The following RASSF9 variants were observed in gnomAD, a reference collection of about 807,000 sequenced individuals.
RASSF9 encodes the protein ras association domain-containing protein 9.
In RASSF9, 18 loss-of-function variants were observed where a neutral mutation model predicts 21.4. The observed-to-expected ratio is 0.84, with a 90% confidence interval of 0.58 to 1.25. RASSF9 has a LOEUF of 1.25. Ranked by LOEUF, RASSF9 falls within the 50% of genes most tolerant of loss-of-function variation. The pLI is 0.00. For missense variants in RASSF9, 480 were observed against 503.2 expected, an observed-to-expected ratio of 0.95 and a Z score of 0.44; for synonymous variants, 183 against 179.1, an observed-to-expected ratio of 1.02 and a Z score of -0.18.
At chr12:85,820,578 G>T (rs934462196) in intron 1 of RASSF9, among the ~76,000 whole-genome samples, 2 of 151,314 alleles carry the variant, frequency 1.3e-5, no homozygotes, top group Non-Finnish European at 3.0e-5. Flanking sequence ...CATATAAAAT[G>T]AAAAATGTCA....
rs1281969180 is a variant in RASSF9 at position 85,805,607 on chromosome 12, G to A, written c.403C>T (p.Gln135Ter). 4.3e-6 allele frequency: 7 copies of A among 1,613,764 alleles called. No homozygotes were observed. The highest frequency in any genetic ancestry group is 5.9e-6 in the Non-Finnish European group (7 of 1,179,886). Residue 135 changes from glutamine to a stop codon, truncating the protein, a stop_gained, in exon 2 of 2, where the codon CAA becomes TAA. Coordinates refer to ENST00000361228, the MANE Select transcript of RASSF9 (RefSeq NM_005447.4). LOFTEE classifies it high-confidence loss of function. ...LWRTAEAKLV[Q>*]NTEKLWELSP... ...AGCTCCCACAATTTTTCTGTGTTTT[G>A]CACTAATTTGGCTTCAGCTGTCCGC...
intron 1 of RASSF9, among the ~76,000 whole-genome samples, chr12:85,811,910 C>T (rs1475579761): frequency 1.3e-5 from 2 of 151,826 alleles, no homozygotes; most frequent in South Asian, 2.1e-4. Context: ...GATTAAAACT[C>T]ATCACAATCA....
intron 1 of RASSF9, among the ~76,000 whole-genome samples, chr12:85,818,379 A>G (rs1344985035): frequency 1.3e-5 from 2 of 152,334 alleles, no homozygotes; most frequent in East Asian, 3.9e-4. Context: ...ATGAATTATA[A>G]TTGAGTCAGA....
chr12:85,824,625 C>T (rs1880290361), intron 1 of RASSF9, among the ~76,000 whole-genome samples: 1 of 151,886 alleles, frequency 6.6e-6, no homozygotes, highest in Non-Finnish European at 1.5e-5. Flanking sequence ...TCTCTTTATC[C>T]CACTATCTCT....
chr12:85,820,852 A>G (rs904652954), intron 1 of RASSF9, among the ~76,000 whole-genome samples: 2 of 152,144 alleles, frequency 1.3e-5, no homozygotes, highest in Non-Finnish European at 2.9e-5. Flanking sequence ...CAGCCTTTAA[A>G]AGCTACATTG....
intron 1 of RASSF9, among the ~76,000 whole-genome samples, chr12:85,808,736 G>A (rs1359098222): frequency 6.6e-6 from 1 of 151,678 alleles, no homozygotes; most frequent in Admixed American, 6.6e-5. Flanking sequence ...ACTTCAACTA[G>A]GATATTTGAA....
chr12:85,815,605 T>A (rs1421582072), intron 1 of RASSF9, among the ~76,000 whole-genome samples: 1 of 152,094 alleles, frequency 6.6e-6, no homozygotes, highest in South Asian at 2.1e-4. Context: ...CAGCATCTGT[T>A]ATTTCTGGTT....
intron 1 of RASSF9, among the ~76,000 whole-genome samples, chr12:85,824,328 C>A (rs957209139): frequency 1.3e-5 from 2 of 152,156 alleles, no homozygotes; most frequent in African/African-American, 4.8e-5. Flanking sequence ...TCCTTTGCCT[C>A]TCTCCTCTTA....
At chr12:85,813,858 G>A (rs1880006087) in intron 1 of RASSF9, among the ~76,000 whole-genome samples, 1 of 151,876 alleles carries the variant, frequency 6.6e-6, no homozygotes, top group African/African-American at 2.4e-5. Context: ...AAATATTTAT[G>A]GAAAATATTG....
intron 1 of RASSF9, among the ~76,000 whole-genome samples, chr12:85,822,300 G>A (rs542924081): frequency 6.6e-6 from 1 of 152,214 alleles, no homozygotes; most frequent in African/African-American, 2.4e-5. Context: ...TAAACTTGAA[G>A]GACATAAGTC....
At chr12:85,815,718 C>T (rs34601750) in intron 1 of RASSF9, among the ~76,000 whole-genome samples, 53,802 of 150,866 alleles carry the variant, frequency 0.36, 10,058 homozygotes, top group African/African-American at 0.44. Context: ...ATTCATATGA[C>T]GCATTGGTCG....
intron 1 of RASSF9, among the ~76,000 whole-genome samples, chr12:85,822,748 G>A (rs1236432700): frequency 6.6e-6 from 1 of 151,974 alleles, no homozygotes; most frequent in African/African-American, 2.4e-5. Context: ...TTTATCTTCT[G>A]CCTTTTTCTC....
chr12:85,833,815 TTA>T (rs1880504932), intron 1 of RASSF9, among the ~76,000 whole-genome samples: 1 of 152,030 alleles, frequency 6.6e-6, no homozygotes, highest in African/African-American at 2.4e-5. Context: ...ACAATAAATT[TTA>T]TATGTCTGTA....
intron 1 of RASSF9, among the ~76,000 whole-genome samples, chr12:85,806,444 G>A (rs1361409133): frequency 1.3e-5 from 2 of 149,898 alleles, no homozygotes; most frequent in African/African-American, 4.9e-5. Flanking sequence ...AGGCCGAGGC[G>A]GGTGGATCAC....
chr12:85,815,246 C>T (rs1880036073), intron 1 of RASSF9, among the ~76,000 whole-genome samples: 1 of 152,054 alleles, frequency 6.6e-6, no homozygotes, highest in African/African-American at 2.4e-5. Flanking sequence ...AAGTCAGGGA[C>T]AGCCTTTGAA....
At position 85,805,487 on chromosome 12, in the gene RASSF9, T is replaced by C. The variant is rs1565751111; in HGVS notation, c.523A>G (p.Thr175Ala). ...ATATTATCTCGATCATGAGAAACTG[T>C]GTCCTGCTTAATTTTAGCCAGTTTC... ...FRKLAKIKQD[T>A]VSHDRDNMET... The change falls in exon 2 of 2, where the codon ACA becomes GCA. Residue 175 changes from threonine (T) to alanine (A), a missense_variant. By Grantham distance (58) the Thr-to-Ala change is moderately conservative (BLOSUM62 0). Coordinates refer to ENST00000361228, the MANE Select transcript of RASSF9 (RefSeq NM_005447.4). The C allele has an allele frequency of 6.2e-7, 1 of 1,614,000 alleles. No homozygotes were observed. The highest frequency in any genetic ancestry group is 2.2e-5 in the East Asian group (1 of 44,882).
intron 1 of RASSF9, among the ~76,000 whole-genome samples, chr12:85,826,445 A>ATTT (rs1491522992): frequency 7.5e-6 from 1 of 133,532 alleles, no homozygotes; most frequent in African/African-American, 2.9e-5. Flanking sequence ...ATTCCTTCCA[A>ATTT]TATTTTTTTT....
intron 1 of RASSF9, among the ~76,000 whole-genome samples, chr12:85,833,170 G>A (rs1880488023): frequency 6.6e-6 from 1 of 151,670 alleles, no homozygotes; most frequent in Admixed American, 6.6e-5. Flanking sequence ...CATCTCTTTA[G>A]GTTTTGAATT....
intron 1 of RASSF9, among the ~76,000 whole-genome samples, chr12:85,812,057 T>G (rs546540187): frequency 6.6e-6 from 1 of 151,922 alleles, no homozygotes; most frequent in East Asian, 1.9e-4. Context: ...CTTTTAGTCA[T>G]ATCTAAACTA....
Sources: allele counts gnomAD v4.1 joint callset (sites outside exome capture counted in the v4.1 genomes callset), GRCh38; gene constraint gnomAD v4.1.1; transcripts MANE v1.5; gene names NCBI Gene and HGNC (gene_info 2026-07-23, HGNC 2026-07-21).